The following FER1L6 variants were observed in gnomAD, a reference collection of about 807,000 sequenced individuals.
The protein encoded by FER1L6 is fer-1 like family member 6, also known as fer-1-like protein 6.
Under a neutral mutation model 219.2 loss-of-function variants are expected in FER1L6, and 177 were observed. The ratio of observed to expected loss-of-function variants is 0.81; its 90% CI spans 0.71 to 0.91. FER1L6 has a LOEUF of 0.91. Among genes scored for constraint, FER1L6 ranks in the 40% least tolerant of loss-of-function variants. The pLI is 0.00. For synonymous variants in FER1L6, 768 were observed against 824.3 expected (o/e 0.93, Z 1.17); for missense variants, 2,153 against 2,259.9 (o/e 0.95, Z 0.96).
intron 22 of FER1L6, among the ~76,000 whole-genome samples, chr8:124,053,973 T>C (rs1277229025): frequency 6.6e-6 from 1 of 152,202 alleles, no homozygotes; most frequent in Non-Finnish European, 1.5e-5. Flanking sequence ...CTATCCTGAC[T>C]CATAGCCCCG....
At chr8:124,013,035 A>C (rs1198554801) in intron 14 of FER1L6, among the ~76,000 whole-genome samples, 2 of 111,562 alleles carry the variant, frequency 1.8e-5, no homozygotes, top group Non-Finnish European at 4.4e-5. Context: ...TTATATCCCT[A>C]TGTAAAAAAT....
chr8:124,090,692 G>A (rs1367804229), intron 33 of FER1L6, among the ~76,000 whole-genome samples: 2 of 152,184 alleles, frequency 1.3e-5, no homozygotes, highest in African/African-American at 4.8e-5. Flanking sequence ...GGCTTGTAGG[G>A]AGTGCTGCAT....
chr8:123,945,882 C>T (rs558468641), intron 1 of FER1L6, among the ~76,000 whole-genome samples: 1 of 152,234 alleles, frequency 6.6e-6, no homozygotes, highest in African/African-American at 2.4e-5. Flanking sequence ...ATATGAACTT[C>T]CTTTCATATG....
chr8:124,055,543 C>A, intron 22 of FER1L6, among the ~76,000 whole-genome samples: 1 of 152,288 alleles, frequency 6.6e-6, no homozygotes, highest in Non-Finnish European at 1.5e-5. Flanking sequence ...CTTTTCCATT[C>A]TCCATACTTA....
chr8:124,056,176 G>A (rs995375932), intron 22 of FER1L6, among the ~76,000 whole-genome samples: 1 of 152,136 alleles, frequency 6.6e-6, no homozygotes, highest in Admixed American at 6.5e-5. Flanking sequence ...CAGGTTCTGA[G>A]GATTAGGATA....
chr8:123,890,087 A>G (rs887654199), intron 1 of FER1L6, among the ~76,000 whole-genome samples: 1 of 152,140 alleles, frequency 6.6e-6, no homozygotes, highest in Non-Finnish European at 1.5e-5. Flanking sequence ...TTTTTAATAT[A>G]GTTAAGCATG....
At chr8:123,873,378 AT>A (rs1816955390) in intron 1 of FER1L6, among the ~76,000 whole-genome samples, 1 of 152,124 alleles carries the variant, frequency 6.6e-6, no homozygotes, top group East Asian at 1.9e-4. Flanking sequence ...TCTTTTCTGA[AT>A]GTGGCCTTTC....
intron 1 of FER1L6, among the ~76,000 whole-genome samples, chr8:123,898,458 A>G (rs1177618824): frequency 6.6e-6 from 1 of 151,582 alleles, no homozygotes; most frequent in Non-Finnish European, 1.5e-5. Context: ...CAAGTCCCCA[A>G]AGTCCATTAT....
chr8:123,966,535 G>T (rs1012848397), intron 5 of FER1L6, among the ~76,000 whole-genome samples: 1 of 152,080 alleles, frequency 6.6e-6, no homozygotes, highest in Non-Finnish European at 1.5e-5. Context: ...TTCAACATAC[G>T]TTTTCTTATT....
At chr8:123,888,180 G>A (rs183587066) in intron 1 of FER1L6, among the ~76,000 whole-genome samples, 2 of 151,790 alleles carry the variant, frequency 1.3e-5, no homozygotes, top group Non-Finnish European at 2.9e-5. Context: ...GCAGTGACAC[G>A]ATCTTGGCTC....
At chr8:123,940,400 C>T (rs556474968) in intron 1 of FER1L6, among the ~76,000 whole-genome samples, 3 of 152,150 alleles carry the variant, frequency 2.0e-5, no homozygotes, top group East Asian at 3.9e-4. Context: ...TGCAATGGTG[C>T]GATCTCAGCT....
At chr8:124,009,583 A>G (rs534815943) in intron 13 of FER1L6, among the ~76,000 whole-genome samples, 25 of 151,514 alleles carry the variant, frequency 1.7e-4, no homozygotes, top group Non-Finnish European at 3.4e-4. Context: ...AAGGATCATG[A>G]AACAGAAGAG....
intron 5 of FER1L6, 91 bp downstream of exon 5, chr8:123,966,381 C>T (rs2130219639): frequency 6.6e-7 from 1 of 1,509,402 alleles, no homozygotes; most frequent in Non-Finnish European, 9.0e-7. Flanking sequence ...GAGCTGTGCC[C>T]CTCCTGCCTC....
intron 18 of FER1L6, 142 bp downstream of exon 18, chr8:124,023,738 C>T (rs1818572573): frequency 1.2e-6 from 1 of 824,568 alleles, no homozygotes; most frequent in Admixed American, 3.3e-5. Context: ...CTTGGTGCCT[C>T]TTGGTTCAAA....
At chr8:124,093,301 G>T (rs1183324751) in intron 34 of FER1L6, among the ~76,000 whole-genome samples, 1 of 151,944 alleles carries the variant, frequency 6.6e-6, no homozygotes, top group Non-Finnish European at 1.5e-5. Context: ...CAGGGACACA[G>T]ACCCAAACCA....
intron 39 of FER1L6, among the ~76,000 whole-genome samples, chr8:124,106,891 CAATT>C (rs1822798803): frequency 1.3e-5 from 2 of 151,226 alleles, no homozygotes; most frequent in South Asian, 4.2e-4. Flanking sequence ...TTGAATGAAT[CAATT>C]AATTCAAGAA....
intron 12 of FER1L6, among the ~76,000 whole-genome samples, chr8:123,999,982 C>G (rs1033707639): frequency 6.6e-6 from 1 of 152,146 alleles, no homozygotes; most frequent in Non-Finnish European, 1.5e-5. Context: ...TCCTTGTGGC[C>G]TAGACTACCT....
chr8:124,030,863 C>T (rs1818931953), intron 18 of FER1L6, among the ~76,000 whole-genome samples: 1 of 152,184 alleles, frequency 6.6e-6, no homozygotes, highest in Non-Finnish European at 1.5e-5. Flanking sequence ...CTCCTTCTCT[C>T]ACTTGCCAAG....
In FER1L6 at chr8:123,856,875, G is replaced by C. The variant is rs187347658; in HGVS notation, c.-8+4690G>C. ...ACTATTGCGGTGTGATGCATCACTGGGCAAGCTGGGCGGGTCAGATGGAGA... is the reference window on the plus strand; with the variant it reads ...ACTATTGCGGTGTGATGCATCACTGCGCAAGCTGGGCGGGTCAGATGGAGA... On this transcript the variant is annotated intron_variant, in intron 1 of 40. Coordinates refer to ENST00000522917, the MANE Select transcript of FER1L6 (RefSeq NM_001039112.2). Among the ~76,000 whole-genome samples the C allele has an allele frequency of 2.7e-3, 418 of 152,138 alleles. 3 individuals carry two copies. The highest frequency in any genetic ancestry group is 3.0e-3 in the Non-Finnish European group (202 of 68,010).
Sources: gnomAD v4.1 joint callset for allele counts (sites outside exome capture counted in the v4.1 genomes callset) on GRCh38, gnomAD v4.1.1 for gene constraint, MANE v1.5 for transcripts, NCBI Gene and HGNC (gene_info 2026-07-23, HGNC 2026-07-21) for gene names.